SFMBT1: variants seen among roughly 807,000 people sequenced by gnomAD.
SFMBT1 encodes scm-like with four MBT domains protein 1.
SFMBT1 carries 32 observed loss-of-function variants against 108.7 expected under a neutral mutation model. The observed-to-expected ratio is 0.29, with a 90% CI of 0.22 to 0.40. SFMBT1 has a LOEUF of 0.40. Among genes scored for constraint, SFMBT1 ranks in the 10% least tolerant of loss-of-function variants. The pLI is 1.00. For missense variants in SFMBT1, 816 were observed against 1,059.6 expected (o/e 0.77, Z 3.19); for synonymous variants, 348 against 369.5 (o/e 0.94, Z 0.67).
chr3:53,003,759 CAA>C (rs370165165), intron 1 of SFMBT1, among the ~76,000 whole-genome samples: 12 of 81,906 alleles, frequency 1.5e-4, no homozygotes, highest in East Asian at 4.6e-4. Context: ...ATAGAAAGGT[CAA>C]AAAAAAAAAA....
intron 1 of SFMBT1, among the ~76,000 whole-genome samples, chr3:52,983,335 T>A (rs1300921067): frequency 6.6e-6 from 1 of 152,234 alleles, no homozygotes; most frequent in East Asian, 1.9e-4. Context: ...AAGAAAACAG[T>A]ATGTAATATA....
chr3:52,935,585 A>G (rs1220763035), intron 4 of SFMBT1, among the ~76,000 whole-genome samples: 1 of 152,218 alleles, frequency 6.6e-6, no homozygotes, highest in African/African-American at 2.4e-5. Flanking sequence ...ATATAATTTC[A>G]TCCATATATA....
intron 1 of SFMBT1, among the ~76,000 whole-genome samples, chr3:53,022,449 C>CAAA (rs34744052): frequency 2.0e-3 from 81 of 40,564 alleles, no homozygotes; most frequent in African/African-American, 4.8e-3. Context: ...GGTGCTGTCT[C>CAAA]AAAAAAAAAA....
intron 14 of SFMBT1, 66 bp from the exon 15 acceptor site, chr3:52,913,683 C>T (rs1702269269): frequency 5.8e-6 from 9 of 1,558,936 alleles, no homozygotes; most frequent in Admixed American, 3.8e-5. Context: ...CAAAGCTGAA[C>T]TGCCAGGGAA....
At chr3:53,013,179 A>G (rs1384392357) in intron 1 of SFMBT1, among the ~76,000 whole-genome samples, 1 of 151,712 alleles carries the variant, frequency 6.6e-6, no homozygotes, top group Non-Finnish European at 1.5e-5. Flanking sequence ...ATTTTCATCA[A>G]TATTTCCAGT....
intron 1 of SFMBT1, among the ~76,000 whole-genome samples, chr3:52,969,714 T>C (rs1226601664): frequency 1.3e-5 from 2 of 152,218 alleles, no homozygotes; most frequent in African/African-American, 4.8e-5. Flanking sequence ...ATCTAGAATA[T>C]TATGCAGATC....
chr3:52,945,766 C>A (rs1461359115), intron 3 of SFMBT1, among the ~76,000 whole-genome samples: 2 of 148,836 alleles, frequency 1.3e-5, no homozygotes, highest in South Asian at 2.1e-4. Flanking sequence ...GAGATCGCAC[C>A]ACGGCAGGCA....
chr3:53,041,875 G>C (rs1368539171), intron 1 of SFMBT1, among the ~76,000 whole-genome samples: 1 of 151,990 alleles, frequency 6.6e-6, no homozygotes. Context: ...TGTATATACA[G>C]AAATATTATT....
chr3:52,925,035 A>T (rs550344622), intron 10 of SFMBT1, among the ~76,000 whole-genome samples: 1 of 152,268 alleles, frequency 6.6e-6, no homozygotes, highest in African/African-American at 2.4e-5. Flanking sequence ...AGCCTGGCCA[A>T]CATGGTGAAA....
chr3:53,014,471 T>C (rs906184055), intron 1 of SFMBT1, among the ~76,000 whole-genome samples: 3 of 133,964 alleles, frequency 2.2e-5, no homozygotes, highest in Non-Finnish European at 4.7e-5. Context: ...GACCCTGTAT[T>C]TAAAAAAAAC....
chr3:52,923,345 C>T (rs1374545726), intron 10 of SFMBT1, among the ~76,000 whole-genome samples: 5 of 152,076 alleles, frequency 3.3e-5, no homozygotes, highest in African/African-American at 9.7e-5. Context: ...GCGGGTGGAT[C>T]GCCTGAGGTC....
intron 1 of SFMBT1, among the ~76,000 whole-genome samples, chr3:52,990,667 A>G (rs1705087961): frequency 6.6e-6 from 1 of 152,212 alleles, no homozygotes; most frequent in Non-Finnish European, 1.5e-5. Flanking sequence ...TGAGCAAGAA[A>G]GAGAGGAAAG....
At chr3:52,972,384 T>G (rs1704374981) in intron 1 of SFMBT1, among the ~76,000 whole-genome samples, 1 of 152,220 alleles carries the variant, frequency 6.6e-6, no homozygotes, top group Non-Finnish European at 1.5e-5. Context: ...AATAGACTGA[T>G]GAAGTCTTCT....
At chr3:52,946,483 G>A (rs1057371855) in intron 3 of SFMBT1, among the ~76,000 whole-genome samples, 2 of 152,168 alleles carry the variant, frequency 1.3e-5, no homozygotes, top group Admixed American at 6.5e-5. Flanking sequence ...CATTACTTAC[G>A]AGATTTATTC....
chr3:52,921,943 A>G (rs1276669097), intron 10 of SFMBT1, 112 bp from the exon 11 acceptor site: 1 of 1,081,808 alleles, frequency 9.2e-7, no homozygotes, highest in Non-Finnish European at 1.4e-6. Flanking sequence ...TAAAGATAAC[A>G]TTTATTTTGC....
intron 1 of SFMBT1, among the ~76,000 whole-genome samples, chr3:52,978,583 T>C (rs1257034725): frequency 1.3e-5 from 2 of 152,146 alleles, no homozygotes; most frequent in African/African-American, 4.8e-5. Context: ...AACATAGAGT[T>C]ACCATATGGG....
intron 1 of SFMBT1, among the ~76,000 whole-genome samples, chr3:53,011,735 TAAG>T (rs1310744402): frequency 1.3e-5 from 2 of 152,198 alleles, no homozygotes; most frequent in Non-Finnish European, 2.9e-5. Context: ...GGATAGTAGT[TAAG>T]AAGAACTGAG....
In SFMBT1 at chr3:52,912,627, A is replaced by G; in HGVS notation, c.1641T>C (p.Asn547=). 1 of 1,613,952 alleles carries G rather than the reference A, an allele frequency of 6.2e-7. No homozygotes were observed. The highest frequency in any genetic ancestry group is 8.5e-7 in the Non-Finnish European group (1 of 1,179,926). ...VLREVLTLLI[N]AAYKPSRVLR... ...GGACACGGCTGGGTTTGTAGGCTGC[A>G]TTGATAAGTAAAGTGAGGACCTGAG... Residue 547 remains asparagine, a synonymous_variant, in exon 16 of 21, where the codon AAT becomes AAC. Transcript: ENST00000394752.
chr3:52,994,690 G>C (rs1408410148), intron 1 of SFMBT1, among the ~76,000 whole-genome samples: 1 of 150,004 alleles, frequency 6.7e-6, no homozygotes, highest in Non-Finnish European at 1.5e-5. Flanking sequence ...AGTAGAGATG[G>C]GGTTTCACTG....
Sources: allele counts gnomAD v4.1 joint callset (sites outside exome capture counted in the v4.1 genomes callset), GRCh38; gene constraint gnomAD v4.1.1; transcripts MANE v1.5; gene names NCBI Gene and HGNC (gene_info 2026-07-23, HGNC 2026-07-21).